The following SLC24A3 variants were observed in gnomAD, a reference collection of about 807,000 sequenced individuals.
SLC24A3 encodes solute carrier family 24 member 3, also known as sodium/potassium/calcium exchanger 3.
Under a neutral mutation model 75.8 loss-of-function variants are expected in SLC24A3, and 28 were observed. That is an observed-to-expected ratio of 0.37 (90% CI 0.27 to 0.51). The LOEUF (loss-of-function observed/expected upper bound fraction) is 0.51, where lower values mean the gene tolerates loss of function less well. SLC24A3 is among the 20% of genes least tolerant of loss of function. SLC24A3 has a pLI of 0.94. For missense variants in SLC24A3, 663 were observed against 847.8 expected, an observed-to-expected ratio of 0.78 and a Z score of 2.71; for synonymous variants, 372 against 334.1, an observed-to-expected ratio of 1.11 and a Z score of -1.24.
At chr20:19,660,557 G>GT (rs951029258) in intron 7 of SLC24A3, among the ~76,000 whole-genome samples, 13 of 152,144 alleles carry the variant, frequency 8.5e-5, no homozygotes, top group Non-Finnish European at 5.9e-5. Flanking sequence ...ACTCAGGTTA[G>GT]TTTCATATCT....
intron 2 of SLC24A3, among the ~76,000 whole-genome samples, chr20:19,411,697 C>T (rs1986746274): frequency 6.6e-6 from 1 of 152,196 alleles, no homozygotes; most frequent in Admixed American, 6.5e-5. Context: ...AAAGCTTTGG[C>T]CACCTTTCAG....
intron 3 of SLC24A3, among the ~76,000 whole-genome samples, chr20:19,537,945 T>A (rs547746184): frequency 6.6e-6 from 1 of 151,542 alleles, no homozygotes; most frequent in Admixed American, 6.6e-5. Context: ...AGTTAATGGG[T>A]GCAGCACACC....
At chr20:19,614,501 T>A (rs1876729332) in intron 6 of SLC24A3, among the ~76,000 whole-genome samples, 1 of 152,198 alleles carries the variant, frequency 6.6e-6, no homozygotes, top group Admixed American at 6.5e-5. Context: ...CCTCCAGATA[T>A]TAGTTTTTAC....
intron 3 of SLC24A3, among the ~76,000 whole-genome samples, chr20:19,531,177 C>T (rs2030291671): frequency 6.6e-6 from 1 of 151,982 alleles, no homozygotes; most frequent in South Asian, 2.1e-4. Flanking sequence ...AGCCCAGCCA[C>T]CAGGTTAACA....
intron 1 of SLC24A3, among the ~76,000 whole-genome samples, chr20:19,260,947 A>G (rs1376648748): frequency 1.3e-5 from 2 of 152,190 alleles, no homozygotes; most frequent in Non-Finnish European, 1.5e-5. Context: ...CACAGATTCA[A>G]TGTGTTTCTA....
chr20:19,543,675 T>C (rs2030539485), intron 3 of SLC24A3, among the ~76,000 whole-genome samples: 1 of 152,216 alleles, frequency 6.6e-6, no homozygotes, highest in Non-Finnish European at 1.5e-5. Context: ...GTCTGGCATC[T>C]TGGGCTCTAG....
At chr20:19,645,020 C>T (rs887320786) in intron 6 of SLC24A3, among the ~76,000 whole-genome samples, 1 of 152,214 alleles carries the variant, frequency 6.6e-6, no homozygotes, top group Admixed American at 6.5e-5. Flanking sequence ...TGAGCAATTG[C>T]GTGCTGGATT....
intron 2 of SLC24A3, among the ~76,000 whole-genome samples, chr20:19,488,690 AT>A (rs1458707782): frequency 3.9e-5 from 6 of 151,986 alleles, no homozygotes; most frequent in South Asian, 2.1e-4. Flanking sequence ...AGTGTTTCAG[AT>A]TTTTTTTTAT....
intron 2 of SLC24A3, among the ~76,000 whole-genome samples, chr20:19,507,653 A>T (rs1330481003): frequency 3.3e-5 from 5 of 152,230 alleles, no homozygotes; most frequent in Non-Finnish European, 5.9e-5. Flanking sequence ...AATCAAAGCA[A>T]GCTGCATGGC....
chr20:19,607,870 T>C (rs1311726595), intron 6 of SLC24A3, among the ~76,000 whole-genome samples: 3 of 152,242 alleles, frequency 2.0e-5, no homozygotes, highest in African/African-American at 7.2e-5. Flanking sequence ...CCTTTGCTGG[T>C]CACATCCCAG....
intron 3 of SLC24A3, among the ~76,000 whole-genome samples, chr20:19,578,227 G>C (rs907944065): frequency 2.0e-5 from 3 of 152,118 alleles, no homozygotes; most frequent in Admixed American, 2.0e-4. Flanking sequence ...TTTTAGACTG[G>C]AGCCGGGGCC....
At chr20:19,340,103 T>G (rs1985233717) in intron 2 of SLC24A3, among the ~76,000 whole-genome samples, 1 of 152,196 alleles carries the variant, frequency 6.6e-6, no homozygotes, top group South Asian at 2.1e-4. Flanking sequence ...GTTGGCGTCT[T>G]AGTCCTAACC....
intron 2 of SLC24A3, among the ~76,000 whole-genome samples, chr20:19,306,056 G>A (rs528020897): frequency 6.6e-6 from 1 of 152,306 alleles, no homozygotes; most frequent in South Asian, 2.1e-4. Context: ...CATTAAAAAT[G>A]GGTAAAGGAC....
chr20:19,626,755 G>A (rs954531811), intron 6 of SLC24A3, among the ~76,000 whole-genome samples: 1 of 152,188 alleles, frequency 6.6e-6, no homozygotes, highest in African/African-American at 2.4e-5. Flanking sequence ...GAGCAGTGTA[G>A]ATGTGGAGGA....
chr20:19,563,926 G>C (rs1393572586), intron 3 of SLC24A3, among the ~76,000 whole-genome samples: 1 of 152,168 alleles, frequency 6.6e-6, no homozygotes, highest in African/African-American at 2.4e-5. Context: ...GCAAGAAGTA[G>C]GTTTCTTACC....
At chr20:19,326,752 C>T (rs1284785277) in intron 2 of SLC24A3, among the ~76,000 whole-genome samples, 2 of 151,922 alleles carry the variant, frequency 1.3e-5, no homozygotes, top group Non-Finnish European at 2.9e-5. Context: ...AATGTTTGTA[C>T]TTTTATTTTT....
intron 3 of SLC24A3, among the ~76,000 whole-genome samples, chr20:19,578,978 G>A (rs1331894768): frequency 1.3e-5 from 2 of 152,152 alleles, no homozygotes; most frequent in Non-Finnish European, 2.9e-5. Context: ...GCAACAGAGG[G>A]TGAGAAATGG....
chr20:19,364,028 G>A (rs1457552913), intron 2 of SLC24A3, among the ~76,000 whole-genome samples: 2 of 152,134 alleles, frequency 1.3e-5, no homozygotes, highest in East Asian at 3.9e-4. Flanking sequence ...ATACAGTAAT[G>A]ACCTTGCCCC....
At position 19,240,604 on chromosome 20, in the gene SLC24A3, G is replaced by T. The variant is rs112851817; in HGVS notation, c.142+27620G>T. Among the ~76,000 whole-genome samples the T allele has an allele frequency of 7.2e-5, 11 of 152,310 alleles. 1 individual carries two copies. The highest frequency in any genetic ancestry group is 2.6e-4 in the African/African-American group (11 of 41,564). On this transcript the variant is annotated intron_variant, in intron 1 of 16. Transcript: ENST00000328041. The stretch of plus-strand genomic sequence containing the variant: ...AGGAATCTCAGACCTCCTTCTGTGG[G>T]TCACCCACTGTCTCTGGTTAGTGAG...
Sources: gnomAD v4.1 joint callset for allele counts (sites outside exome capture counted in the v4.1 genomes callset) on GRCh38, gnomAD v4.1.1 for gene constraint, MANE v1.5 for transcripts, NCBI Gene and HGNC (gene_info 2026-07-23, HGNC 2026-07-21) for gene names.